The following DPP6 variants were observed in gnomAD, a reference collection of about 807,000 sequenced individuals.
DPP6 encodes A-type potassium channel modulatory protein DPP6.
DPP6 carries 69 observed loss-of-function variants against 122.6 expected under a neutral mutation model. That is an observed-to-expected ratio of 0.56 (90% CI 0.46 to 0.69). The LOEUF is 0.69. Among genes scored for constraint, DPP6 ranks in the 30% least tolerant of loss-of-function variants. The probability of loss-of-function intolerance (pLI) is 0.00; values close to 1 mark genes in which losing one functional copy is unlikely to be tolerated. For synonymous variants in DPP6, 418 were observed against 433.1 expected, an observed-to-expected ratio of 0.97 and a Z score of 0.43; for missense variants, 928 against 1,116.9, an observed-to-expected ratio of 0.83 and a Z score of 2.41.
At chr7:154,214,588 A>C (rs1231654604) in intron 1 of DPP6, among the ~76,000 whole-genome samples, 3 of 152,204 alleles carry the variant, frequency 2.0e-5, no homozygotes, top group Admixed American at 2.0e-4. Context: ...AAACACTCCA[A>C]GTTTGTGTTT....
chr7:154,874,893 C>T (rs1416694489), intron 19 of DPP6, among the ~76,000 whole-genome samples: 1 of 152,214 alleles, frequency 6.6e-6, no homozygotes, highest in African/African-American at 2.4e-5. Flanking sequence ...GGCCCTGTTC[C>T]CAGCCTGGGC....
intron 1 of DPP6, among the ~76,000 whole-genome samples, chr7:154,097,349 G>C (rs1469742892): frequency 2.6e-5 from 4 of 152,220 alleles, no homozygotes; most frequent in Non-Finnish European, 5.9e-5. Context: ...CGCTTATTCC[G>C]AGGCCTCTAT....
intron 1 of DPP6, among the ~76,000 whole-genome samples, chr7:154,390,938 G>A (rs755058239): frequency 3.9e-4 from 60 of 152,184 alleles, no homozygotes; most frequent in Middle Eastern, 3.4e-3. Context: ...TCGTCAGAAG[G>A]GTCCCACCGT....
chr7:154,330,588 T>C (rs909375221), intron 1 of DPP6, among the ~76,000 whole-genome samples: 6 of 152,192 alleles, frequency 3.9e-5, no homozygotes, highest in African/African-American at 1.4e-4. Flanking sequence ...TCCAGACATC[T>C]GAGATGAACA....
At chr7:154,255,777 T>A (rs1200074826) in intron 1 of DPP6, among the ~76,000 whole-genome samples, 1 of 152,224 alleles carries the variant, frequency 6.6e-6, no homozygotes, top group Non-Finnish European at 1.5e-5. Flanking sequence ...GCTTTGACAC[T>A]TAGAAGACAA....
the DPP6 span, among the ~76,000 whole-genome samples, chr7:153,833,152 T>G: frequency 6.6e-6 from 1 of 152,216 alleles, no homozygotes; most frequent in Non-Finnish European, 1.5e-5. Context: ...AATGACTTCC[T>G]AAAGTATTCA....
chr7:154,531,836 G>A (rs999553341), intron 3 of DPP6, among the ~76,000 whole-genome samples: 4 of 152,038 alleles, frequency 2.6e-5, no homozygotes, highest in Non-Finnish European at 1.5e-5. Flanking sequence ...ATTATTAACT[G>A]CTTCTGGACT....
intron 1 of DPP6, among the ~76,000 whole-genome samples, chr7:153,907,787 C>T (rs1799910382): frequency 1.3e-5 from 2 of 152,174 alleles, no homozygotes; most frequent in African/African-American, 2.4e-5. Flanking sequence ...TTGGACTTGC[C>T]AGCTCCTATA....
At chr7:154,177,541 C>T (rs1052339964) in intron 1 of DPP6, among the ~76,000 whole-genome samples, 1 of 152,194 alleles carries the variant, frequency 6.6e-6, no homozygotes, top group Non-Finnish European at 1.5e-5. Flanking sequence ...TGCAGAAGGG[C>T]CTGAGGCCCT....
chr7:154,816,072 C>T (rs1563243261), intron 16 of DPP6, among the ~76,000 whole-genome samples: 1 of 152,150 alleles, frequency 6.6e-6, no homozygotes, highest in Non-Finnish European at 1.5e-5. Context: ...AACCGTAGAG[C>T]TGGGTTCAAA....
intron 2 of DPP6, among the ~76,000 whole-genome samples, chr7:154,456,683 T>G (rs1048340997): frequency 3.3e-5 from 5 of 152,172 alleles, no homozygotes; most frequent in African/African-American, 4.8e-5. Context: ...AGGATTACCC[T>G]TAGTTATCCA....
intron 1 of DPP6, among the ~76,000 whole-genome samples, chr7:154,296,269 C>A (rs560687992): frequency 1.3e-5 from 2 of 152,070 alleles, no homozygotes; most frequent in Admixed American, 6.6e-5. Context: ...TGCTGCTTAG[C>A]CTTGCATGGT....
rs111729038 is a variant in DPP6 at position 153,933,112 on chromosome 7, C to G, written c.51+45378C>G. Among the ~76,000 whole-genome samples the G allele has an allele frequency of 5.8e-3, 879 of 152,308 alleles. 10 individuals are homozygous for G. Among genetic ancestry groups the G allele is most frequent in the African/African-American group, 0.02 (843 of 41,556 alleles). Reference sequence around the variant, plus strand: ...CACATGAAACTGTGAGTCCATTAAACCTCTTTTTCTTTATAAATTACCCAG... The same window carrying G: ...CACATGAAACTGTGAGTCCATTAAAGCTCTTTTTCTTTATAAATTACCCAG... On this transcript the variant is annotated intron_variant, in intron 1 of 25. Transcript: ENST00000404039.
intron 1 of DPP6, among the ~76,000 whole-genome samples, chr7:153,951,178 G>A (rs537080459): frequency 2.2e-4 from 34 of 152,198 alleles, no homozygotes; most frequent in Non-Finnish European, 4.3e-4. Flanking sequence ...CTACTCTGCA[G>A]AAAAGTGAGA....
At chr7:154,442,278 T>C (rs1563678236) in intron 1 of DPP6, among the ~76,000 whole-genome samples, 1 of 152,182 alleles carries the variant, frequency 6.6e-6, no homozygotes, top group East Asian at 1.9e-4. Context: ...ACATGCATTA[T>C]GATAATATAT....
At chr7:154,801,564 C>A in intron 13 of DPP6, 102 bp downstream of exon 13, 2 of 1,428,698 alleles carry the variant, frequency 1.4e-6, no homozygotes, top group South Asian at 1.5e-5. Context: ...TCGAGGACCC[C>A]AAGGAATCTG....
intron 1 of DPP6, among the ~76,000 whole-genome samples, chr7:154,373,510 G>A (rs564968498): frequency 1.1e-4 from 17 of 152,236 alleles, no homozygotes; most frequent in East Asian, 3.9e-4. Context: ...CCTTGCAAAT[G>A]GGCACAATTT....
At chr7:154,639,633 T>C (rs1835938439) in intron 6 of DPP6, among the ~76,000 whole-genome samples, 1 of 152,210 alleles carries the variant, frequency 6.6e-6, no homozygotes, top group South Asian at 2.1e-4. Context: ...AGGAGTTTGC[T>C]GAACAAGCTA....
At chr7:154,212,539 A>G (rs1174371317) in intron 1 of DPP6, among the ~76,000 whole-genome samples, 1 of 152,154 alleles carries the variant, frequency 6.6e-6, no homozygotes, top group Admixed American at 6.5e-5. Context: ...TTAGCCATAA[A>G]TGTATGGACG....
Sources: gnomAD v4.1 joint callset for allele counts (sites outside exome capture counted in the v4.1 genomes callset) on GRCh38, gnomAD v4.1.1 for gene constraint, MANE v1.5 for transcripts, NCBI Gene and HGNC (gene_info 2026-07-23, HGNC 2026-07-21) for gene names.